The following VARS2 variants were observed in gnomAD, a reference collection of about 807,000 sequenced individuals.
The protein encoded by VARS2 is valine--tRNA ligase, mitochondrial.
VARS2 carries 105 observed loss-of-function variants against 154.1 expected under a neutral mutation model. The ratio of observed to expected loss-of-function variants is 0.68; its 90% confidence interval spans 0.58 to 0.80. The LOEUF is 0.80. Ranked by LOEUF, VARS2 falls within the 30% of genes least tolerant of loss-of-function variation. The pLI is 0.00. For missense variants in VARS2, 1,157 were observed against 1,361.4 expected, an observed-to-expected ratio of 0.85 and a Z score of 2.36; for synonymous variants, 483 against 539.5, an observed-to-expected ratio of 0.90 and a Z score of 1.45.
At position 30,917,354 on chromosome 6, in the gene VARS2, T is replaced by G. The variant is rs1218293270; in HGVS notation, c.873+130T>G. On this transcript the variant is annotated intron_variant, in intron 9 of 29. Coordinates refer to ENST00000676266, the MANE Select transcript of VARS2 (RefSeq NM_020442.6). This position sits in a 1 kb window ranked among gnomAD's most constrained non-coding sequence, Gnocchi z 4.4. ...GCCTGCCTGTTACAGCTGTGTGGCT[T>G]TTGGCAGGCCGTTTAGTCTCTTTAA... The G allele has an allele frequency of 2.1e-6, 3 of 1,443,570 alleles. No individual in the cohort carries two copies. The highest frequency in any genetic ancestry group is 2.9e-6 in the Non-Finnish European group (3 of 1,041,642). The allele number at this position is 1,443,570 out of a possible 1,614,324, so 89.4% of individuals were successfully genotyped here.
Position 30,926,027 on chromosome 6 carries a change from C to T in VARS2, c.3090+19C>T. ...ACAAAAGGTAAGGCTGAGGGAGGCC[C>T]CCAGAAGGCTCCACCCCTGAGGGAA... On this transcript the variant is annotated intron_variant, in intron 29 of 29. Coordinates refer to ENST00000676266, the MANE Select transcript of VARS2 (RefSeq NM_020442.6). 6.2e-7 allele frequency: 1 copy of T among 1,613,052 alleles called. No individual in the cohort carries two copies. The highest frequency in any genetic ancestry group is 1.3e-5 in the African/African-American group (1 of 75,060).
chr6:30,917,982 G>A lies in VARS2; in HGVS notation c.985+176G>A, dbSNP rs1794282690. ...GGGGGATGTACAAAAAGTGCATGTG[G>A]TCACTGCCCTTTGAGAGTGTGGTGT... On this transcript the variant is annotated intron_variant, in intron 10 of 29. Coordinates refer to ENST00000676266, the MANE Select transcript of VARS2 (RefSeq NM_020442.6). This position sits in a 1 kb window ranked among gnomAD's most constrained non-coding sequence, Gnocchi z 4.4. 6.6e-6 allele frequency among the ~76,000 whole-genome samples: 1 copy of A among 152,212 alleles called. No homozygotes were observed. The highest frequency in any genetic ancestry group is 2.4e-5 in the African/African-American group (1 of 41,456).
In VARS2 at chr6:30,921,788, C is replaced by T. The variant is rs1794530003; in HGVS notation, c.1735+97C>T. 1 of 1,539,572 alleles carries T rather than the reference C, an allele frequency of 6.5e-7. No homozygotes were observed. Among genetic ancestry groups the T allele is most frequent in the African/African-American group, 1.4e-5 (1 of 73,176 alleles). ...GATCCCAAGATACAGAAGGTAGGGTCAGGAAAGTTGGGAATGGAGCCAAAG... is the reference window on the plus strand; with the variant it reads ...GATCCCAAGATACAGAAGGTAGGGTTAGGAAAGTTGGGAATGGAGCCAAAG... On this transcript the variant is annotated intron_variant, in intron 18 of 29. Transcript: ENST00000676266. This position sits in a 1 kb window ranked among gnomAD's most constrained non-coding sequence, Gnocchi z 4.6.
In VARS2 at chr6:30,923,673, G is replaced by C. The variant is rs535228401; in HGVS notation, c.2466+168G>C. 0.018 allele frequency: 18,027 copies of C among 1,022,324 alleles called. 590 individuals carry two copies. Among genetic ancestry groups the C allele is most frequent in the African/African-American group, 0.098 (6,109 of 62,056 alleles). The allele number at this position is 1,022,324 out of a possible 1,614,324, so 63.3% of individuals were successfully genotyped here. A position where few individuals can be genotyped will look rare whatever the true frequency, so the allele number is the denominator to read the frequency against. ...TCCCCTCTTCCTGGGACTGGTTTTG[G>C]CAGTGCAGCCCAGGCACTGTTGCCT... On this transcript the variant is annotated intron_variant, in intron 25 of 29. Coordinates refer to ENST00000676266, the MANE Select transcript of VARS2 (RefSeq NM_020442.6).
intron 10 of VARS2, among the ~76,000 whole-genome samples, chr6:30,918,062 T>TTTTG (rs147192830): frequency 2.0e-4 from 30 of 151,544 alleles, no homozygotes; most frequent in Admixed American, 1.4e-3. Flanking sequence ...GTATGTTTTG[T>TTTTG]TTTGTTTGTT....
chr6:30,920,567 G>T lies in VARS2; in HGVS notation c.1398-101G>T, dbSNP rs1378972979. ...CTCCGTGTCGGTTTTATTCGCTATT[G>T]TATCCTCAGTACCAAGGGCCTGGCA... On this transcript the variant is annotated intron_variant, in intron 14 of 29. Coordinates refer to ENST00000676266, the MANE Select transcript of VARS2 (RefSeq NM_020442.6). The surrounding 1 kb of genome is among the most constrained non-coding windows in gnomAD (Gnocchi z 4.6). 3 of 1,347,432 alleles carry T rather than the reference G, an allele frequency of 2.2e-6. No homozygotes were observed. Among genetic ancestry groups the T allele is most frequent in the Non-Finnish European group, 3.0e-6 (3 of 994,498 alleles). 83.5% of individuals were successfully genotyped at this position (1,347,432 alleles called of 1,614,324 possible).
Position 30,914,253 on chromosome 6 carries a change from G to C in VARS2, c.-119G>C. On this transcript the variant is annotated 5_prime_UTR_variant, in exon 1 of 30. Transcript: ENST00000676266. ...CCGGGGCCCCGCCCCCATGCGCCGC[G>C]CGGCTCCAGGGCCACGTTCCAGGGT... The C allele has an allele frequency of 1.3e-6, 1 of 775,202 alleles. No individual in the cohort carries two copies. Among genetic ancestry groups the C allele is most frequent in the East Asian group, 3.4e-5 (1 of 29,490 alleles). 48.0% of individuals were successfully genotyped at this position (775,202 alleles called of 1,614,324 possible). A position where few individuals can be genotyped will look rare whatever the true frequency, so the allele number is the denominator to read the frequency against.
Position 30,921,682 on chromosome 6 carries a change from C to T in VARS2, c.1726C>T (p.Leu576=). 2 of 1,604,368 alleles carry T rather than the reference C, an allele frequency of 1.2e-6. No homozygotes were observed. Among genetic ancestry groups the T allele is most frequent in the Non-Finnish European group, 1.7e-6 (2 of 1,176,968 alleles). The change falls in exon 18 of 30, where the codon CTG becomes TTG. Residue 576 remains leucine, a synonymous_variant. Coordinates refer to ENST00000676266, the MANE Select transcript of VARS2 (RefSeq NM_020442.6). This position sits in a 1 kb window ranked among gnomAD's most constrained non-coding sequence, Gnocchi z 4.6. ...AGGGAGGCCAGGGGCAGAGCTGACC[C>T]TGGAGAGGGGTGAGTGCCTGAGCTG... ...LTGRPGAELT[L]ERDPDVLDTW... is the part of the protein sequence containing the mutation.
chr6:30,923,207 A>T lies in VARS2; in HGVS notation c.2289A>T (p.Lys763Asn). Residue 763 changes from lysine to asparagine, a missense_variant, in exon 24 of 30, where the codon AAA becomes AAT. By Grantham distance (94) the Lys-to-Asn change is moderately conservative. Transcript: ENST00000676266. Reference protein sequence around the residue: ...LRFILNALGEKFVPQPAEELS... With the variant: ...LRFILNALGENFVPQPAEELS... ...TTATCCTCAATGCTTTAGGGGAGAAATTTGTGCCACAGCCTGCTGAGGAGG... is the reference window on the plus strand; with the variant it reads ...TTATCCTCAATGCTTTAGGGGAGAATTTTGTGCCACAGCCTGCTGAGGAGG... The T allele has an allele frequency of 6.2e-7, 1 of 1,613,034 alleles. No individual in the cohort carries two copies. Among genetic ancestry groups the T allele is most frequent in the Non-Finnish European group, 8.5e-7 (1 of 1,180,020 alleles).
At position 30,925,525 on chromosome 6, in the gene VARS2, A is replaced by G; in HGVS notation, c.2786-19A>G. The G allele has an allele frequency of 6.4e-7, 1 of 1,564,752 alleles. No homozygotes were observed. Among genetic ancestry groups the G allele is most frequent in the Non-Finnish European group, 8.6e-7 (1 of 1,159,352 alleles). ...GGCAGGAGCTGAGGCCTTGCCCCTG[A>G]CAGTTTCTTTCTTTCCAGTGCTGCT... On this transcript the variant is annotated intron_variant, in intron 27 of 29. Transcript: ENST00000676266.
rs769740013 is a variant in VARS2 at position 30,925,584 on chromosome 6, C to A, written c.2826C>A (p.Phe942Leu). The A allele has an allele frequency of 6.2e-7, 1 of 1,608,712 alleles. No individual in the cohort carries two copies. The highest frequency in any genetic ancestry group is 1.7e-5 in the Admixed American group (1 of 59,282). Residue 942 changes from phenylalanine to leucine, a missense_variant, in exon 28 of 30, where the codon TTC (phenylalanine) becomes TTA (leucine). Transcript: ENST00000676266. ...QSSEPGDQGL[F>L]EAFLEPLGTL... is the part of the protein sequence containing the mutation. Reference sequence around the variant, plus strand: ...CAGAGCCTGGGGACCAGGGCCTCTTCGAGGCCTTCTTGGAGCCCCTGGGCA... The same window carrying A: ...CAGAGCCTGGGGACCAGGGCCTCTTAGAGGCCTTCTTGGAGCCCCTGGGCA...
Position 30,916,406 on chromosome 6 carries a change from G to A in VARS2, c.671+157G>A, listed in dbSNP as rs1794172141. ...CTGGAGCCTGTTAACATTTGGTGGA[G>A]TTTCTAAGCCTTATGTGTGTGGATA... On this transcript the variant is annotated intron_variant, in intron 7 of 29. Transcript: ENST00000676266. This position sits in a 1 kb window ranked among gnomAD's most constrained non-coding sequence, Gnocchi z 4.0. 1 of 635,684 alleles carries A rather than the reference G, an allele frequency of 1.6e-6. No homozygotes were observed. The allele number at this position is 635,684 out of a possible 1,614,324, so 39.4% of individuals were successfully genotyped here. A position where few individuals can be genotyped will look rare whatever the true frequency, so the allele number is the denominator to read the frequency against.
rs2150564451 is a variant in VARS2 at position 30,922,504 on chromosome 6, C to T, written c.1987C>T (p.Leu663=). The change falls in exon 21 of 30, where the codon CTG becomes TTG. Residue 663 remains leucine (L), a synonymous_variant. Coordinates refer to ENST00000676266, the MANE Select transcript of VARS2 (RefSeq NM_020442.6). ...GCAGGGCCGGAAGATGAGCAAGTCC[C>T]TGGGGAATGTGCTGGACCCAAGAGA... is the stretch of plus-strand genomic sequence containing the variant. ...DRQGRKMSKS[L]GNVLDPRDII... The T allele has an allele frequency of 6.3e-7, 1 of 1,595,402 alleles. No homozygotes were observed. Among genetic ancestry groups the T allele is most frequent in the Non-Finnish European group, 8.5e-7 (1 of 1,171,476 alleles).
rs775098981 is a variant in VARS2, at chr6:30,920,929, C to G, written c.1480-136C>G. ...GCAAGGGCTGGCTCATATCCTTACTCAAGCCCAGAATCTTGGCAAGAGGCT... is the reference window on the plus strand; with the variant it reads ...GCAAGGGCTGGCTCATATCCTTACTGAAGCCCAGAATCTTGGCAAGAGGCT... On this transcript the variant is annotated intron_variant, in intron 15 of 29. Transcript: ENST00000676266. This position sits in a 1 kb window ranked among gnomAD's most constrained non-coding sequence, Gnocchi z 4.6. The G allele has an allele frequency of 8.5e-7, 1 of 1,183,278 alleles. No individual in the cohort carries two copies. Among genetic ancestry groups the G allele is most frequent in the Non-Finnish European group, 1.2e-6 (1 of 854,928 alleles). The allele number at this position is 1,183,278 out of a possible 1,614,324, so 73.3% of individuals were successfully genotyped here. A position where few individuals can be genotyped will look rare whatever the true frequency, so the allele number is the denominator to read the frequency against.
rs746473660 is a variant in VARS2 at position 30,916,984 on chromosome 6, T to C, written c.753+25T>C. On this transcript the variant is annotated intron_variant, in intron 8 of 29. Transcript: ENST00000676266. This position sits in a 1 kb window ranked among gnomAD's most constrained non-coding sequence, Gnocchi z 4.0. The stretch of plus-strand genomic sequence containing the variant: ...TGTGAGTGTTCTGTGCCTTGGTCCC[T>C]GTGAGTGATGGGCGATGTTTAGGGA... 5 of 1,614,028 alleles carry C rather than the reference T, an allele frequency of 3.1e-6. No individual in the cohort carries two copies. The South Asian group carries it at 5.5e-5, about 18-fold the overall frequency.
chr6:30,925,856 C>T lies in VARS2; in HGVS notation c.2962-24C>T, dbSNP rs746467039. On this transcript the variant is annotated intron_variant, in intron 28 of 29. Coordinates refer to ENST00000676266, the MANE Select transcript of VARS2 (RefSeq NM_020442.6). ...GCCTGGCAGCAGGCGGATGTCTGAGCCTTTTCTCCCTGTTCTTCCCCAGGG... is the reference window on the plus strand; with the variant it reads ...GCCTGGCAGCAGGCGGATGTCTGAGTCTTTTCTCCCTGTTCTTCCCCAGGG... 3 of 1,611,944 alleles carry T rather than the reference C, an allele frequency of 1.9e-6. No individual in the cohort carries two copies. The East Asian group carries it at 6.7e-5, about 36-fold the overall frequency.
Position 30,917,387 on chromosome 6 carries a change from C to T in VARS2, c.873+163C>T, listed in dbSNP as rs540560019. 6.6e-6 allele frequency among the ~76,000 whole-genome samples: 1 copy of T among 152,340 alleles called. No individual in the cohort carries two copies. The highest frequency in any genetic ancestry group is 6.5e-5 in the Admixed American group (1 of 15,310). On this transcript the variant is annotated intron_variant, in intron 9 of 29. Coordinates refer to ENST00000676266, the MANE Select transcript of VARS2 (RefSeq NM_020442.6). This position sits in a 1 kb window ranked among gnomAD's most constrained non-coding sequence, Gnocchi z 4.4. ...GCCGTTTAGTCTCTTTAAGCCTCAG[C>T]TTCCTCAGTCTGTAAATTAGAGATG...
At chr6:30,918,991 C>T (rs1794344769) in intron 11 of VARS2, 76 bp downstream of exon 11, 2 of 1,328,820 alleles carry the variant, frequency 1.5e-6, no homozygotes, top group African/African-American at 1.4e-5. Flanking sequence ...TAAATGGTGG[C>T]TCTTTCTCTC....
At position 30,922,140 on chromosome 6, in the gene VARS2, C is replaced by T; in HGVS notation, c.1831C>T (p.Pro611Ser). Reference protein sequence around the residue: ...QETPDLARFYPLSLLETGSDL... With the variant: ...QETPDLARFYSLSLLETGSDL... ...GACCCCAGACCTTGCTCGTTTCTAC[C>T]CCCTGTCACTTTTGGAAACGGGCAG... Residue 611 changes from proline (P) to serine (S), a missense_variant, in exon 20 of 30, where the codon CCC becomes TCC. By Grantham distance (74) the Pro-to-Ser change is moderately conservative. Transcript: ENST00000676266. 1.2e-6 allele frequency: 2 copies of T among 1,612,700 alleles called. No individual in the cohort carries two copies.
Sources: gnomAD v4.1 joint callset for allele counts (sites outside exome capture counted in the v4.1 genomes callset) on GRCh38, gnomAD v4.1.1 for gene constraint, Gnocchi (gnomAD v3.1) non-coding constraint, MANE v1.5 for transcripts, NCBI Gene and HGNC (gene_info 2026-07-23, HGNC 2026-07-21) for gene names.